Variants in PCGF5 observed in about 807,000 individuals in gnomAD.
The protein encoded by PCGF5 is polycomb group ring finger 5.
Under a neutral mutation model 44.3 loss-of-function variants are expected in PCGF5, and 9 were observed. The ratio of observed to expected loss-of-function variants is 0.20; its 90% confidence interval spans 0.12 to 0.35. The LOEUF is 0.35. Among genes scored for constraint, PCGF5 ranks in the 10% least tolerant of loss-of-function variants. The pLI is 1.00. For missense variants in PCGF5, 146 were observed against 305.3 expected (o/e 0.48, Z 3.89); for synonymous variants, 95 against 102.5 (o/e 0.93, Z 0.44).
intron 3 of PCGF5, among the ~76,000 whole-genome samples, chr10:91,244,116 T>C (rs548318933): frequency 1.3e-5 from 2 of 152,318 alleles, no homozygotes; most frequent in South Asian, 2.1e-4. Context: ...TTATATGGTA[T>C]GTTAGAAAGT....
At chr10:91,264,561 T>A (rs1338561530) in intron 8 of PCGF5, 41 bp downstream of exon 8, 2 of 1,368,354 alleles carry the variant, frequency 1.5e-6, no homozygotes, top group African/African-American at 3.1e-5. Flanking sequence ...TATTTAGTTA[T>A]ATACCATTAT....
chr10:91,205,639 G>C (rs1379982548), intron 1 of PCGF5, among the ~76,000 whole-genome samples: 1 of 152,080 alleles, frequency 6.6e-6, no homozygotes, highest in Non-Finnish European at 1.5e-5. Flanking sequence ...CAGATTCCTT[G>C]CCCTGCATCG....
At chr10:91,185,200 A>G (rs1345039645) in intron 1 of PCGF5, among the ~76,000 whole-genome samples, 1 of 144,450 alleles carries the variant, frequency 6.9e-6, no homozygotes, top group Non-Finnish European at 1.5e-5. Flanking sequence ...TCAGCCAGAA[A>G]ACACCAGTGG....
At chr10:91,188,804 A>C (rs912825472) in intron 1 of PCGF5, among the ~76,000 whole-genome samples, 2 of 152,184 alleles carry the variant, frequency 1.3e-5, no homozygotes, top group Non-Finnish European at 2.9e-5. Context: ...CTGTTGACCT[A>C]CCCAACCTTT....
intron 1 of PCGF5, among the ~76,000 whole-genome samples, chr10:91,166,196 T>C (rs1030657607): frequency 1.3e-5 from 2 of 152,242 alleles, no homozygotes; most frequent in African/African-American, 4.8e-5. Flanking sequence ...TGGAAGTTCC[T>C]GAATTAGCCA....
intron 1 of PCGF5, among the ~76,000 whole-genome samples, chr10:91,164,083 G>A (rs1389632320): frequency 6.6e-6 from 1 of 152,252 alleles, no homozygotes; most frequent in Non-Finnish European, 1.5e-5. Flanking sequence ...ATCGCCCCGC[G>A]GACCGGGCCC....
Position 91,282,673 on chromosome 10 carries a change from T to C in PCGF5, c.*4357T>C, listed in dbSNP as rs1846482301. On this transcript the variant is annotated 3_prime_UTR_variant, in exon 10 of 10. Transcript: ENST00000336126. The stretch of plus-strand genomic sequence containing the variant: ...TGGGCTACCTTAAAGGTAAAACTCA[T>C]CTTATGGAGTCTTTCTGATAGGTCA... The C allele has an allele frequency of 6.6e-6, 1 of 152,610 alleles. No homozygotes were observed. Among genetic ancestry groups the C allele is most frequent in the Admixed American group, 6.5e-5 (1 of 15,278 alleles). The allele number at this position is 152,610 out of a possible 1,614,324, so 9.5% of individuals were successfully genotyped here.
At chr10:91,202,936 T>A (rs1215460436) in intron 1 of PCGF5, among the ~76,000 whole-genome samples, 1 of 152,172 alleles carries the variant, frequency 6.6e-6, no homozygotes, top group Non-Finnish European at 1.5e-5. Flanking sequence ...AGTAAAGAAA[T>A]GTGTTTGTGA....
intron 6 of PCGF5, among the ~76,000 whole-genome samples, chr10:91,260,579 A>G (rs373134451): frequency 2.0e-5 from 3 of 152,076 alleles, no homozygotes; most frequent in African/African-American, 7.2e-5. Context: ...AACAACGATA[A>G]ACTGGATTAA....
chr10:91,205,024 A>AT (rs1247151780), intron 1 of PCGF5, among the ~76,000 whole-genome samples: 1 of 152,186 alleles, frequency 6.6e-6, no homozygotes, highest in Non-Finnish European at 1.5e-5. Context: ...TACATAAACA[A>AT]TTTTTTAAAA....
In PCGF5 at chr10:91,222,927, A is replaced by T. The variant is rs372696858; in HGVS notation, c.56A>T (p.Tyr19Phe). 1 of 1,613,566 alleles carries T rather than the reference A, an allele frequency of 6.2e-7. No individual in the cohort carries two copies. Among genetic ancestry groups the T allele is most frequent in the African/African-American group, 1.3e-5 (1 of 75,046 alleles). ...VKDFNPYITC[Y>F]ICKGYLIKPT... The stretch of plus-strand genomic sequence containing the variant: ...GATTTTAATCCTTACATTACCTGCT[A>T]TATCTGTAAAGGGTATCTGATCAAG... Residue 19 changes from tyrosine (Y) to phenylalanine (F), a missense_variant, in exon 2 of 10, where the codon TAT becomes TTT. Coordinates refer to ENST00000336126, the MANE Select transcript of PCGF5 (RefSeq NM_032373.5).
rs529649056 is a variant in PCGF5 at position 91,278,525 on chromosome 10, C to T, written c.*209C>T. The T allele has an allele frequency of 2.8e-5, 16 of 562,694 alleles. No homozygotes were observed. Among genetic ancestry groups the T allele is most frequent in the Non-Finnish European group, 4.2e-5 (13 of 312,358 alleles). 34.9% of individuals were successfully genotyped at this position (562,694 alleles called of 1,614,324 possible). On this transcript the variant is annotated 3_prime_UTR_variant, in exon 10 of 10. Transcript: ENST00000336126. The stretch of plus-strand genomic sequence containing the variant: ...TGCCATTCTGCTACTGAACCATCTG[C>T]ATAAGGTATTTGTGTTGTCTCAAAG...
intron 1 of PCGF5, among the ~76,000 whole-genome samples, chr10:91,201,873 T>G (rs774364915): frequency 6.6e-6 from 1 of 152,210 alleles, no homozygotes; most frequent in Non-Finnish European, 1.5e-5. Flanking sequence ...TAAGGTTCTG[T>G]GCTTTAATGT....
intron 6 of PCGF5, among the ~76,000 whole-genome samples, chr10:91,255,424 C>T (rs984559995): frequency 6.6e-6 from 1 of 152,050 alleles, no homozygotes; most frequent in African/African-American, 2.4e-5. Context: ...AAGCTCTCAC[C>T]TCTGCCTCAC....
intron 8 of PCGF5, 135 bp from the exon 9 acceptor site, chr10:91,271,502 AT>A: frequency 4.8e-6 from 3 of 628,510 alleles, no homozygotes; most frequent in East Asian, 3.0e-5. Flanking sequence ...AACAACCACC[AT>A]TTTTTTGGAA....
At chr10:91,163,600 G>A (rs998172724) in intron 1 of PCGF5, among the ~76,000 whole-genome samples, 3 of 152,136 alleles carry the variant, frequency 2.0e-5, no homozygotes, top group African/African-American at 7.2e-5. Flanking sequence ...CTAGTTTGGG[G>A]GCCGCTGGCT....
chr10:91,276,001 A>G lies in PCGF5; in HGVS notation c.724-2268A>G, dbSNP rs542870746. Reference sequence around the variant, plus strand: ...GCATAATATACAGCTGTTAAAAATTATGTAGCACCGTACCAAATGGTATGG... The same window carrying G: ...GCATAATATACAGCTGTTAAAAATTGTGTAGCACCGTACCAAATGGTATGG... On this transcript the variant is annotated intron_variant, in intron 9 of 9. Transcript: ENST00000336126. 8.5e-5 allele frequency among the ~76,000 whole-genome samples: 13 copies of G among 152,204 alleles called. 1 individual carries two copies. In the East Asian group the frequency reaches 2.5e-3, roughly 29 times the overall value.
chr10:91,277,250 G>A (rs1846339618), intron 9 of PCGF5, among the ~76,000 whole-genome samples: 1 of 152,194 alleles, frequency 6.6e-6, no homozygotes, highest in Non-Finnish European at 1.5e-5. Flanking sequence ...TTTCAGGATT[G>A]TTAAATCTCA....
chr10:91,177,278 G>C (rs1167014293), intron 1 of PCGF5, among the ~76,000 whole-genome samples: 1 of 151,702 alleles, frequency 6.6e-6, no homozygotes, highest in Non-Finnish European at 1.5e-5. Context: ...TTTTGTCTCA[G>C]AGGGGTACCC....
Sources: gnomAD v4.1 joint callset for allele counts (sites outside exome capture counted in the v4.1 genomes callset) on GRCh38, gnomAD v4.1.1 for gene constraint, MANE v1.5 for transcripts, NCBI Gene and HGNC (gene_info 2026-07-23, HGNC 2026-07-21) for gene names.